The following AGPS variants were observed in gnomAD, a reference collection of about 807,000 sequenced individuals.
AGPS encodes the protein alkyldihydroxyacetonephosphate synthase, peroxisomal.
Under a neutral mutation model 90.7 loss-of-function variants are expected in AGPS, and 26 were observed. The ratio of observed to expected loss-of-function variants is 0.29; its 90% confidence interval spans 0.21 to 0.40. AGPS has a LOEUF of 0.40. Among genes scored for constraint, AGPS ranks in the 10% least tolerant of loss-of-function variants. The probability of loss-of-function intolerance (pLI) is 1.00; values close to 1 mark genes in which losing one functional copy is unlikely to be tolerated. For synonymous variants in AGPS, 294 were observed against 285.3 expected (o/e 1.03, Z -0.31); for missense variants, 540 against 816.1 (o/e 0.66, Z 4.12).
At chr2:177,408,463 C>T (rs1685523752) in intron 1 of AGPS, among the ~76,000 whole-genome samples, 1 of 152,182 alleles carries the variant, frequency 6.6e-6, no homozygotes, top group Admixed American at 6.5e-5. Flanking sequence ...CTAAAATTTG[C>T]ATCAGAAAAT....
intron 12 of AGPS, among the ~76,000 whole-genome samples, chr2:177,496,393 GTTTTGATGATACGTTAT>G (rs1466702053): frequency 1.3e-5 from 2 of 152,086 alleles, no homozygotes; most frequent in Non-Finnish European, 2.9e-5. Flanking sequence ...AGAAATGAAT[GTTTTGATGATACGTTAT>G]TTCTATCTTT....
chr2:177,395,865 G>T (rs781163014), intron 1 of AGPS, among the ~76,000 whole-genome samples: 24 of 152,190 alleles, frequency 1.6e-4, no homozygotes, highest in Non-Finnish European at 3.4e-4. Flanking sequence ...TTTCATTCCT[G>T]TTACAGAATA....
chr2:177,515,534 T>G (rs1689000875), intron 17 of AGPS, among the ~76,000 whole-genome samples: 1 of 151,836 alleles, frequency 6.6e-6, no homozygotes, highest in South Asian at 2.1e-4. Context: ...GCTGTAACAT[T>G]ATGAAACTAT....
At chr2:177,498,365 T>G (rs1301542743) in intron 13 of AGPS, among the ~76,000 whole-genome samples, 2 of 151,694 alleles carry the variant, frequency 1.3e-5, no homozygotes, top group Admixed American at 1.3e-4. Flanking sequence ...TTCATGTTTT[T>G]TTCTTGGTAC....
intron 5 of AGPS, among the ~76,000 whole-genome samples, chr2:177,437,483 T>G (rs1686449524): frequency 6.6e-6 from 1 of 152,278 alleles, no homozygotes; most frequent in Admixed American, 6.5e-5. Context: ...TGTATTATGT[T>G]TATGCATGCT....
In AGPS at chr2:177,543,102, C is replaced by G. The variant is rs1437657472; in HGVS notation, c.*4907C>G. 2.0e-5 allele frequency: 3 copies of G among 152,134 alleles called. No individual in the cohort carries two copies. Among genetic ancestry groups the G allele is most frequent in the Non-Finnish European group, 4.4e-5 (3 of 68,046 alleles). 9.4% of individuals were successfully genotyped at this position (152,134 alleles called of 1,614,324 possible). On this transcript the variant is annotated 3_prime_UTR_variant, in exon 20 of 20. Transcript: ENST00000264167. ...TCAATGGGATTTGTATGTGCTTTTCCTTCCTACATTTTCATTCCTACTGCC... is the reference window on the plus strand; with the variant it reads ...TCAATGGGATTTGTATGTGCTTTTCGTTCCTACATTTTCATTCCTACTGCC...
intron 1 of AGPS, among the ~76,000 whole-genome samples, chr2:177,399,056 C>CT (rs1685261787): frequency 6.6e-6 from 1 of 152,142 alleles, no homozygotes; most frequent in Non-Finnish European, 1.5e-5. Context: ...TCTACATAGA[C>CT]TTTTTTATGT....
intron 17 of AGPS, 54 bp downstream of exon 17, chr2:177,513,962 T>G: frequency 7.5e-7 from 1 of 1,332,084 alleles, no homozygotes; most frequent in African/African-American, 1.4e-5. Flanking sequence ...ATGTTTTTTT[T>G]AATCAAGGGG....
intron 1 of AGPS, 30 bp from the exon 2 acceptor site, chr2:177,420,239 T>G: frequency 7.3e-7 from 1 of 1,372,888 alleles, no homozygotes; most frequent in Non-Finnish European, 1.0e-6. Context: ...TTAGCATTGG[T>G]CTCACTTATA....
chr2:177,480,387 C>G (rs1254260593), intron 10 of AGPS, among the ~76,000 whole-genome samples: 1 of 152,122 alleles, frequency 6.6e-6, no homozygotes, highest in Non-Finnish European at 1.5e-5. Flanking sequence ...CCATGGAATA[C>G]TATGCAGCCA....
chr2:177,396,376 A>G lies in AGPS; in HGVS notation c.260+3327A>G, dbSNP rs77784925. ...TAGCAGTGAACAAAAACTCTGCCCT[A>G]TGGAACTTATATTCTAGCTGGAGTG... On this transcript the variant is annotated intron_variant, in intron 1 of 19. Coordinates refer to ENST00000264167, the MANE Select transcript of AGPS (RefSeq NM_003659.4). Among the ~76,000 whole-genome samples the G allele has an allele frequency of 3.0e-3, 452 of 152,318 alleles. 4 individuals carry two copies. Among genetic ancestry groups the G allele is most frequent in the African/African-American group, 0.01 (427 of 41,560 alleles).
At chr2:177,535,029 G>A (rs2079171668) in intron 19 of AGPS, among the ~76,000 whole-genome samples, 1 of 152,100 alleles carries the variant, frequency 6.6e-6, no homozygotes, top group South Asian at 2.1e-4. Flanking sequence ...TACTTATCTT[G>A]TTTTCAGAGA....
At chr2:177,462,265 C>A (rs1238484838) in intron 9 of AGPS, among the ~76,000 whole-genome samples, 2 of 151,422 alleles carry the variant, frequency 1.3e-5, no homozygotes, top group Non-Finnish European at 2.9e-5. Context: ...TGGTGGCGGG[C>A]TCCTGTAGTC....
At chr2:177,526,962 G>T (rs2079093756) in intron 19 of AGPS, among the ~76,000 whole-genome samples, 2 of 152,084 alleles carry the variant, frequency 1.3e-5, no homozygotes, top group Admixed American at 1.3e-4. Context: ...TAAAGTAACT[G>T]GCCCAAAAAT....
intron 11 of AGPS, among the ~76,000 whole-genome samples, chr2:177,486,820 C>T (rs1238865145): frequency 2.0e-5 from 3 of 150,792 alleles, no homozygotes; most frequent in East Asian, 2.0e-4. Context: ...GTCTCTCATC[C>T]GATCTTTGTC....
intron 13 of AGPS, among the ~76,000 whole-genome samples, chr2:177,498,073 A>AT (rs899827398): frequency 2.0e-5 from 3 of 151,348 alleles, no homozygotes; most frequent in African/African-American, 7.3e-5. Context: ...AAGAGTGTGG[A>AT]TTTTTTTTAA....
chr2:177,406,602 G>A (rs898312643), intron 1 of AGPS, among the ~76,000 whole-genome samples: 1 of 152,142 alleles, frequency 6.6e-6, no homozygotes, highest in Non-Finnish European at 1.5e-5. Flanking sequence ...AATGTAGAGT[G>A]GTGCTGTGTT....
intron 8 of AGPS, among the ~76,000 whole-genome samples, chr2:177,459,436 A>G (rs1687220630): frequency 6.6e-6 from 1 of 152,240 alleles, no homozygotes; most frequent in Non-Finnish European, 1.5e-5. Context: ...ACAAAGGGCT[A>G]ATATCCAGAA....
At chr2:177,421,747 A>T (rs1292105778) in intron 2 of AGPS, among the ~76,000 whole-genome samples, 1 of 152,162 alleles carries the variant, frequency 6.6e-6, no homozygotes, top group East Asian at 1.9e-4. Context: ...AATACAATAG[A>T]AACATCGATG....
Sources: gnomAD v4.1 joint callset for allele counts (sites outside exome capture counted in the v4.1 genomes callset) on GRCh38, gnomAD v4.1.1 for gene constraint, MANE v1.5 for transcripts, NCBI Gene and HGNC (gene_info 2026-07-23, HGNC 2026-07-21) for gene names.